Variants in ADGRB2 observed in about 807,000 individuals in gnomAD.
ADGRB2 encodes brain-specific angiogenesis inhibitor 2.
A neutral mutation model predicts 178.7 loss-of-function variants in ADGRB2; 47 were observed. The ratio of observed to expected loss-of-function variants is 0.26; its 90% CI spans 0.21 to 0.34. The LOEUF is 0.34. Ranked by LOEUF, ADGRB2 falls within the 10% of genes least tolerant of loss-of-function variation. The probability of loss-of-function intolerance (pLI) is 1.00; values close to 1 mark genes in which losing one functional copy is unlikely to be tolerated. For synonymous variants in ADGRB2, 870 were observed against 912.4 expected, an observed-to-expected ratio of 0.95 and a Z score of 0.84; for missense variants, 1,584 against 2,180.8, an observed-to-expected ratio of 0.73 and a Z score of 5.45.
rs909825863 is a variant in ADGRB2 at position 31,739,494 on chromosome 1, G to A, written c.2309C>T (p.Ser770Phe). Residue 770 changes from serine to phenylalanine, a missense_variant, in exon 15 of 33, where the codon TCC (serine) becomes TTC (phenylalanine). Ser to Phe is a radical substitution (Grantham distance 155). Around this residue, in one of 3 missense-constraint regions of ADGRB2, gnomAD observed 865 missense variants for 1,192.8 expected, o/e 0.73. Transcript: ENST00000373658. The stretch of plus-strand genomic sequence containing the variant: ...CCCAGATGTGGCTGGCTTCCCTGGG[G>A]AGGAGAGGCTGAGCACCTCCTTGGG... Reference protein sequence around the residue: ...FLPKEVLSLSSPGKPATSGAA... With the variant: ...FLPKEVLSLSFPGKPATSGAA... The A allele has an allele frequency of 6.2e-7, 1 of 1,612,624 alleles. No individual in the cohort carries two copies. The highest frequency in any genetic ancestry group is 8.5e-7 in the Non-Finnish European group (1 of 1,179,756).
chr1:31,735,124 G>T lies in ADGRB2; in HGVS notation c.3452+59C>A. 5.7e-6 allele frequency: 5 copies of T among 878,072 alleles called. No individual in the cohort carries two copies. The highest frequency in any genetic ancestry group is 4.8e-6 in the Non-Finnish European group (3 of 623,372). The allele number at this position is 878,072 out of a possible 1,614,324, so 54.4% of individuals were successfully genotyped here. On this transcript the variant is annotated intron_variant, in intron 25 of 32. Coordinates refer to ENST00000373658, the MANE Select transcript of ADGRB2 (RefSeq NM_001364857.2). The surrounding 1 kb of genome is among the most constrained non-coding windows in gnomAD (Gnocchi z 6.0). The stretch of plus-strand genomic sequence containing the variant: ...TCCTCCTCCCCCCACCATGGGCACT[G>T]CCCCCCCCAATTCCTTTGCCCCACC...
In ADGRB2 at chr1:31,735,869, G is replaced by C. The variant is rs773178898; in HGVS notation, c.3225C>G (p.Gly1075=). The change falls in exon 23 of 33, where the codon GGC becomes GGG. Residue 1075 remains glycine, a synonymous_variant. Coordinates refer to ENST00000373658, the MANE Select transcript of ADGRB2 (RefSeq NM_001364857.2). This position sits in a 1 kb window ranked among gnomAD's most constrained non-coding sequence, Gnocchi z 6.0. The stretch of plus-strand genomic sequence containing the variant: ...CAGGGCCCACAAAGGCGTAGAGCAG[G>C]CCGCCCTCCAGGGAGAGCCAGCAGC... ...SSYCWLSLEG[G]LLYAFVGPAA... The C allele has an allele frequency of 1.2e-6, 2 of 1,605,214 alleles. No homozygotes were observed. Among genetic ancestry groups the C allele is most frequent in the African/African-American group, 1.3e-5 (1 of 74,892 alleles).
Position 31,736,368 on chromosome 1 carries a change from G to C in ADGRB2, c.3153C>G (p.Ala1051=), listed in dbSNP as rs753970609. 2 of 1,613,900 alleles carry C rather than the reference G, an allele frequency of 1.2e-6. No homozygotes were observed. The highest frequency in any genetic ancestry group is 2.7e-5 in the African/African-American group (2 of 74,896). The stretch of plus-strand genomic sequence containing the variant: ...TCGTTCGGGTAAAGCCAACAGACAC[G>C]GCCACCACCAGGGCAGGCAGACCTG... The part of the protein sequence containing the change: ...LGWGLPALVV[A]VSVGFTRTKG... The change falls in exon 22 of 33, where the codon GCC becomes GCG. Residue 1051 remains alanine, a synonymous_variant. Transcript: ENST00000373658.
At position 31,735,151 on chromosome 1, in the gene ADGRB2, AC is replaced by A; in HGVS notation, c.3452+31del. 1 of 329,054 alleles carries A rather than the reference AC, an allele frequency of 3.0e-6. No individual in the cohort carries two copies. Among genetic ancestry groups the A allele is most frequent in the Non-Finnish European group, 4.0e-6 (1 of 250,984 alleles). 20.4% of individuals were successfully genotyped at this position (329,054 alleles called of 1,614,324 possible). ...CCCCCCCAATTCCTTTGCCCCACCC[AC>A]CCCCACCGCCCCCCAGGGGGCACGA... On this transcript the variant is annotated intron_variant, in intron 25 of 32. Transcript: ENST00000373658. This position sits in a 1 kb window ranked among gnomAD's most constrained non-coding sequence, Gnocchi z 6.0.
In ADGRB2 at chr1:31,764,295, C is replaced by A; in HGVS notation, c.-602G>T. On this transcript the variant is annotated 5_prime_UTR_variant, in exon 1 of 33. Coordinates refer to ENST00000373658, the MANE Select transcript of ADGRB2 (RefSeq NM_001364857.2). This position sits in a 1 kb window ranked among gnomAD's most constrained non-coding sequence, Gnocchi z 7.3. ...GCCGCCGCTGCCGCCGAACCCGGTTCCTCCGGCCGCTCCGGCCGCTGCCCG... is the reference window on the plus strand; with the variant it reads ...GCCGCCGCTGCCGCCGAACCCGGTTACTCCGGCCGCTCCGGCCGCTGCCCG... 1 of 157,566 alleles carries A rather than the reference C, an allele frequency of 6.3e-6. No individual in the cohort carries two copies. The highest frequency in any genetic ancestry group is 1.9e-4 in the South Asian group (1 of 5,330). The allele number at this position is 157,566 out of a possible 1,614,324, so 9.8% of individuals were successfully genotyped here.
rs115095981 is a variant in ADGRB2, at chr1:31,751,702, T to A, written c.838+4297A>T. On this transcript the variant is annotated intron_variant, in intron 4 of 32. Coordinates refer to ENST00000373658, the MANE Select transcript of ADGRB2 (RefSeq NM_001364857.2). The stretch of plus-strand genomic sequence containing the variant: ...AACTTATTTTTAATATATTAAATTT[T>A]AAAAATGATACAATTGAAAGAGAAA... 7.9e-3 allele frequency among the ~76,000 whole-genome samples: 1,197 copies of A among 152,316 alleles called. 13 individuals are homozygous for A. Among genetic ancestry groups the A allele is most frequent in the East Asian group, 0.036 (185 of 5,188 alleles).
rs1483608290 is a variant in ADGRB2 at position 31,739,647 on chromosome 1, G to A, written c.2168-12C>T. On this transcript the variant is annotated splice_polypyrimidine_tract_variant and intron_variant, in intron 14 of 32. Transcript: ENST00000373658. ...CTGAATGCTGATCACTGCAGTGGGA[G>A]GAGGGTGGACAGAGACAGACAGAGG... The A allele has an allele frequency of 1.9e-6, 3 of 1,568,160 alleles. No individual in the cohort carries two copies. The highest frequency in any genetic ancestry group is 2.6e-6 in the Non-Finnish European group (3 of 1,154,406).
intron 18 of ADGRB2, 42 bp downstream of exon 18, chr1:31,738,158 G>C: frequency 6.2e-7 from 1 of 1,601,570 alleles, no homozygotes. Context: ...GAAGCCCAGG[G>C]CCTCCTCCCT....
At chr1:31,737,558 G>A in intron 19 of ADGRB2, 27 bp from the exon 20 acceptor site, 1 of 1,611,652 alleles carries the variant, frequency 6.2e-7, no homozygotes, top group Non-Finnish European at 8.5e-7. Flanking sequence ...GGCAGGGACA[G>A]AGGCGCTGGC....
chr1:31,762,019 C>T (rs917888378), intron 1 of ADGRB2, among the ~76,000 whole-genome samples: 5 of 147,298 alleles, frequency 3.4e-5, no homozygotes, highest in African/African-American at 1.0e-4. Context: ...GTCGTCTGAC[C>T]GAAAGCTGAA....
chr1:31,755,916 G>T lies in ADGRB2; in HGVS notation c.838+83C>A. 1 of 1,517,880 alleles carries T rather than the reference G, an allele frequency of 6.6e-7. No homozygotes were observed. Among genetic ancestry groups the T allele is most frequent in the Non-Finnish European group, 8.9e-7 (1 of 1,125,944 alleles). The allele number at this position is 1,517,880 out of a possible 1,614,324, so 94.0% of individuals were successfully genotyped here. ...GACATCAGTGAACAGCTACATGCAT[G>T]GCCGAGGATCTGCCAGGATGGACAC... is the stretch of plus-strand genomic sequence containing the variant. On this transcript the variant is annotated intron_variant, in intron 4 of 32. Transcript: ENST00000373658. This position sits in a 1 kb window ranked among gnomAD's most constrained non-coding sequence, Gnocchi z 5.1.
chr1:31,739,346 T>A lies in ADGRB2; in HGVS notation c.2457A>T (p.Val819=). ...DESSYFVIGA[V]LYRTLGLILP... ...GGATGAGGCCAAGGGTGCGGTAGAG[T>A]ACAGCACCGATCACAAAGTAGGAGG... Residue 819 remains valine, a synonymous_variant, in exon 15 of 33, where the codon GTA becomes GTT. Coordinates refer to ENST00000373658, the MANE Select transcript of ADGRB2 (RefSeq NM_001364857.2). 1 of 1,491,986 alleles carries A rather than the reference T, an allele frequency of 6.7e-7. No homozygotes were observed. Among genetic ancestry groups the A allele is most frequent in the South Asian group, 1.4e-5 (1 of 73,198 alleles). The allele number at this position is 1,491,986 out of a possible 1,614,324, so 92.4% of individuals were successfully genotyped here.
At chr1:31,750,748 CCA>C (rs1411287515) in intron 4 of ADGRB2, among the ~76,000 whole-genome samples, 1 of 152,062 alleles carries the variant, frequency 6.6e-6, no homozygotes, top group Non-Finnish European at 1.5e-5. Context: ...TTCTTGCACC[CCA>C]CAGTGTATCA....
chr1:31,735,774 C>A lies in ADGRB2; in HGVS notation c.3267+53G>T. The A allele has an allele frequency of 6.3e-7, 1 of 1,591,922 alleles. No individual in the cohort carries two copies. Among genetic ancestry groups the A allele is most frequent in the Non-Finnish European group, 8.6e-7 (1 of 1,166,562 alleles). ...CGCAGGGAGGAGGTAGAGGGAGAAA[C>A]AGGATGACCCTCTGGGGCCATGCCC... is the stretch of plus-strand genomic sequence containing the variant. On this transcript the variant is annotated intron_variant, in intron 23 of 32. Coordinates refer to ENST00000373658, the MANE Select transcript of ADGRB2 (RefSeq NM_001364857.2). The surrounding 1 kb of genome is among the most constrained non-coding windows in gnomAD (Gnocchi z 6.0).
rs374239846 is a variant in ADGRB2, at chr1:31,756,117, G to A, written c.720C>T (p.Gly240=). ...TGGACAGGGTGTGGGCAGCAGGAGG[G>A]CCTGGAGATGTGGTGGTGGTGGAGC... ...GAGSTTTTSP[G]PPAAHTLSNA... The change falls in exon 4 of 33, where the codon GGC becomes GGT. Residue 240 remains glycine (G), a synonymous_variant. Coordinates refer to ENST00000373658, the MANE Select transcript of ADGRB2 (RefSeq NM_001364857.2). The surrounding 1 kb of genome is among the most constrained non-coding windows in gnomAD (Gnocchi z 8.5). The A allele has an allele frequency of 1.9e-6, 3 of 1,613,738 alleles. No homozygotes were observed. The highest frequency in any genetic ancestry group is 2.5e-6 in the Non-Finnish European group (3 of 1,179,968).
rs904279880 is a variant in ADGRB2, at chr1:31,753,170, C to T, written c.838+2829G>A. 6.6e-6 allele frequency among the ~76,000 whole-genome samples: 1 copy of T among 152,206 alleles called. No individual in the cohort carries two copies. The highest frequency in any genetic ancestry group is 1.5e-5 in the Non-Finnish European group (1 of 68,034). On this transcript the variant is annotated intron_variant, in intron 4 of 32. Coordinates refer to ENST00000373658, the MANE Select transcript of ADGRB2 (RefSeq NM_001364857.2). This position sits in a 1 kb window ranked among gnomAD's most constrained non-coding sequence, Gnocchi z 4.1. ...TGCAGCTGGCACTAACTCTGCGGCC[C>T]GCCTTCCAGCCCTGACCTCAGCCAG... is the stretch of plus-strand genomic sequence containing the variant.
In ADGRB2 at chr1:31,741,576, T is replaced by G; in HGVS notation, c.1687+48A>C. 2 of 1,605,614 alleles carry G rather than the reference T, an allele frequency of 1.2e-6. No homozygotes were observed. Among genetic ancestry groups the G allele is most frequent in the Non-Finnish European group, 1.7e-6 (2 of 1,174,220 alleles). Reference sequence around the variant, plus strand: ...AGGCTGGGGGCGCAGAAGGGGGCAATGAGAATGGCAGGGGTGGTGGTGGTG... The same window carrying G: ...AGGCTGGGGGCGCAGAAGGGGGCAAGGAGAATGGCAGGGGTGGTGGTGGTG... On this transcript the variant is annotated intron_variant, in intron 10 of 32. Transcript: ENST00000373658. The surrounding 1 kb of genome is among the most constrained non-coding windows in gnomAD (Gnocchi z 6.5).
At chr1:31,732,400 A>C in intron 27 of ADGRB2, 117 bp downstream of exon 27, 1 of 1,322,176 alleles carries the variant, frequency 7.6e-7, no homozygotes, top group East Asian at 2.5e-5. Flanking sequence ...GCCTGAATCA[A>C]ACCCAATCCC....
chr1:31,756,311 CGGGCGCCAGCA>C lies in ADGRB2; in HGVS notation c.515_525del (p.Leu172ArgfsTer19). The stretch of plus-strand genomic sequence containing the variant: ...TCGACAAAGCGGAAGGCTAGGGCAG[CGGGCGCCAGCA>C]GGCGCGGGGCCTCGGAGGGCTCAGC... On this transcript the variant is annotated frameshift_variant, in exon 4 of 33. Transcript: ENST00000373658. LOFTEE classifies it high-confidence loss of function. The surrounding 1 kb of genome is among the most constrained non-coding windows in gnomAD (Gnocchi z 8.5). The C allele has an allele frequency of 6.2e-7, 1 of 1,612,942 alleles. No individual in the cohort carries two copies. Among genetic ancestry groups the C allele is most frequent in the Non-Finnish European group, 8.5e-7 (1 of 1,179,910 alleles).
Sources: gnomAD v4.1 joint callset for allele counts (sites outside exome capture counted in the v4.1 genomes callset) on GRCh38, gnomAD v4.1.1 for gene constraint, gnomAD v4.1.1 regional missense constraint, Gnocchi (gnomAD v3.1) non-coding constraint, MANE v1.5 for transcripts, NCBI Gene and HGNC (gene_info 2026-07-23, HGNC 2026-07-21) for gene names.